ERC1: variants seen among roughly 807,000 people sequenced by gnomAD.
ERC1 encodes RAB6 interacting protein 2.
ERC1 carries 56 observed loss-of-function variants against 132.0 expected under a neutral mutation model. The ratio of observed to expected loss-of-function variants is 0.42; its 90% CI spans 0.34 to 0.53. The LOEUF (loss-of-function observed/expected upper bound fraction) is 0.53. ERC1 is among the 20% of genes least tolerant of loss of function. The probability of loss-of-function intolerance (pLI) is 0.03; values close to 1 mark genes in which losing one functional copy is unlikely to be tolerated. For missense variants in ERC1, 1,202 were observed against 1,349.9 expected (o/e 0.89, Z 1.72); for synonymous variants, 478 against 476.1 (o/e 1.00, Z -0.05).
chr12:1,210,630 G>A (rs1481868343), intron 12 of ERC1, among the ~76,000 whole-genome samples: 1 of 152,130 alleles, frequency 6.6e-6, no homozygotes, highest in Non-Finnish European at 1.5e-5. Context: ...TCATTAATAT[G>A]GGATTGTTAT....
In ERC1 at chr12:1,206,050, C is replaced by T. The variant is rs139550278; in HGVS notation, c.2351+15998C>T. 1.3e-4 allele frequency among the ~76,000 whole-genome samples: 20 copies of T among 152,150 alleles called. No individual in the cohort carries two copies. In the East Asian group the frequency reaches 3.9e-3, roughly 29 times the overall value. On this transcript the variant is annotated intron_variant, in intron 12 of 18. Coordinates refer to ENST00000360905, the MANE Select transcript of ERC1 (RefSeq NM_178040.4). Reference sequence around the variant, plus strand: ...GTTAACTTTTACCCAGCAGCAAATGCCATTAAATCATACTTATTTCTAAAT... The same window carrying T: ...GTTAACTTTTACCCAGCAGCAAATGTCATTAAATCATACTTATTTCTAAAT...
chr12:1,225,629 T>A (rs551306706), intron 12 of ERC1, among the ~76,000 whole-genome samples: 9 of 152,348 alleles, frequency 5.9e-5, no homozygotes, highest in African/African-American at 1.9e-4. Context: ...CTCTTCGATA[T>A]AATTGTGATG....
chr12:1,083,673 T>C (rs1272393801), intron 3 of ERC1, 93 bp downstream of exon 3: 60 of 972,806 alleles, frequency 6.2e-5, no homozygotes, highest in Non-Finnish European at 8.6e-5. Flanking sequence ...CTACGTGCTC[T>C]GCCGTGCTGG....
At chr12:1,051,541 AAAAAAAAAAAAAAG>A (rs1315629364) in intron 2 of ERC1, among the ~76,000 whole-genome samples, 2 of 21,526 alleles carry the variant, frequency 9.3e-5, no homozygotes, top group East Asian at 2.0e-3. Flanking sequence ...AAAAAAAAAA[AAAAAAAAAAAAAAG>A]GGCAGAAGAA....
At chr12:1,144,614 G>GTGTA (rs1555268149) in intron 8 of ERC1, among the ~76,000 whole-genome samples, 2 of 132,300 alleles carry the variant, frequency 1.5e-5, no homozygotes, top group African/African-American at 6.3e-5. Context: ...GAATTTTGTG[G>GTGTA]TATATATATA....
At position 1,333,290 on chromosome 12, in the gene ERC1, A is replaced by C. The variant is rs2083027292; in HGVS notation, c.2781-38543A>C. On this transcript the variant is annotated intron_variant, in intron 15 of 18. Coordinates refer to ENST00000360905, the MANE Select transcript of ERC1 (RefSeq NM_178040.4). ...TGCAAAGGACATGATCTCATTCTTT[A>C]TTTATGGCCGCATAGTATTCCGTGG... 2.8e-5 allele frequency among the ~76,000 whole-genome samples: 4 copies of C among 140,664 alleles called. 1 individual carries two copies. In the South Asian group the frequency reaches 9.0e-4, roughly 32 times the overall value. 92.3% of individuals were successfully genotyped at this position (140,664 alleles called of 152,430 possible). A position where few individuals can be genotyped will look rare whatever the true frequency, so the allele number is the denominator to read the frequency against.
chr12:1,252,078 T>G (rs1352941870), intron 13 of ERC1, among the ~76,000 whole-genome samples: 2 of 152,168 alleles, frequency 1.3e-5, no homozygotes, highest in Admixed American at 6.5e-5. Context: ...TGTGTAATGA[T>G]CAGATCTGGG....
chr12:1,402,229 T>C (rs1406390866), intron 16 of ERC1, among the ~76,000 whole-genome samples: 5 of 152,114 alleles, frequency 3.3e-5, no homozygotes, highest in South Asian at 4.1e-4. Flanking sequence ...TTAACACATA[T>C]ATAAAATTGA....
chr12:1,036,916 T>A (rs1969201493), intron 2 of ERC1, among the ~76,000 whole-genome samples: 1 of 152,220 alleles, frequency 6.6e-6, no homozygotes, highest in East Asian at 1.9e-4. Context: ...GAAAATGAAA[T>A]CAAATGTAAA....
At chr12:1,038,024 G>A (rs1237368679) in intron 2 of ERC1, among the ~76,000 whole-genome samples, 6 of 149,442 alleles carry the variant, frequency 4.0e-5, no homozygotes, top group African/African-American at 9.9e-5. Flanking sequence ...CAGCCTGGGC[G>A]ACAGAGCAAG....
At chr12:1,150,330 T>G (rs754425873) in intron 8 of ERC1, among the ~76,000 whole-genome samples, 54 of 152,104 alleles carry the variant, frequency 3.6e-4, no homozygotes, top group Non-Finnish European at 7.4e-4. Context: ...GCAGTAAAAA[T>G]AGAACAGTAG....
At chr12:1,056,787 A>G (rs10744529) in intron 2 of ERC1, among the ~76,000 whole-genome samples, 151,491 of 152,324 alleles carry the variant, frequency 0.99, 75,334 homozygotes, top group Middle Eastern at 1. Context: ...ACATTCACCC[A>G]TGCAAGCTTC....
chr12:1,379,785 A>G (rs548421907), intron 16 of ERC1, among the ~76,000 whole-genome samples: 2 of 152,268 alleles, frequency 1.3e-5, no homozygotes, highest in South Asian at 2.1e-4. Context: ...AGTGTCTTCC[A>G]TAACTGAATC....
intron 12 of ERC1, among the ~76,000 whole-genome samples, chr12:1,215,759 C>T (rs1208083334): frequency 6.6e-6 from 1 of 151,976 alleles, no homozygotes; most frequent in Non-Finnish European, 1.5e-5. Flanking sequence ...GACATGAAGA[C>T]ATCTGAAAAG....
At chr12:1,316,172 C>T (rs2081699832) in intron 15 of ERC1, among the ~76,000 whole-genome samples, 1 of 152,238 alleles carries the variant, frequency 6.6e-6, no homozygotes, top group Non-Finnish European at 1.5e-5. Context: ...CTGGCTTGAG[C>T]CACCGCGCCC....
At chr12:1,133,805 C>G (rs78310035) in intron 7 of ERC1, among the ~76,000 whole-genome samples, 9,446 of 152,244 alleles carry the variant, frequency 0.062, 491 homozygotes, top group Admixed American at 0.14. Context: ...CCATGCCTCT[C>G]CCTGTTCCTA....
At chr12:1,296,640 C>T (rs2079972737) in intron 15 of ERC1, among the ~76,000 whole-genome samples, 1 of 151,960 alleles carries the variant, frequency 6.6e-6, no homozygotes, top group South Asian at 2.1e-4. Flanking sequence ...CTCAAACTCC[C>T]AACCTCAGGT....
intron 2 of ERC1, among the ~76,000 whole-genome samples, chr12:1,035,375 A>G (rs936534298): frequency 6.6e-6 from 1 of 152,192 alleles, no homozygotes. Flanking sequence ...GCTTAGAATT[A>G]CTTGATATGT....
intron 11 of ERC1, among the ~76,000 whole-genome samples, chr12:1,184,952 C>T (rs970577187): frequency 1.3e-5 from 2 of 152,090 alleles, no homozygotes; most frequent in Non-Finnish European, 2.9e-5. Context: ...ACTCTGTCGC[C>T]CAGGTTGGAG....
Sources: allele counts gnomAD v4.1 joint callset (sites outside exome capture counted in the v4.1 genomes callset), GRCh38; gene constraint gnomAD v4.1.1; transcripts MANE v1.5; gene names NCBI Gene and HGNC (gene_info 2026-07-23, HGNC 2026-07-21).